Variants in CFAP299 observed in about 807,000 individuals in gnomAD.
CFAP299 encodes the protein cilia and flagella associated protein 299.
In CFAP299, 21 loss-of-function variants were observed where a neutral mutation model predicts 27.0. The ratio of observed to expected loss-of-function variants is 0.78; its 90% CI spans 0.55 to 1.12. The LOEUF is 1.12. Ranked by LOEUF, CFAP299 falls within the 50% of genes most tolerant of loss-of-function variation. The pLI is 0.00. For missense variants in CFAP299, 310 were observed against 276.6 expected (o/e 1.12, Z -0.86); for synonymous variants, 104 against 98.1 (o/e 1.06, Z -0.36).
intron 2 of CFAP299, among the ~76,000 whole-genome samples, chr4:80,427,728 C>CT (rs1727597046): frequency 6.6e-6 from 1 of 152,132 alleles, no homozygotes. Flanking sequence ...TAAACAGCAA[C>CT]TTAAGTGTTG....
At chr4:80,634,235 G>A (rs1739375405) in intron 3 of CFAP299, among the ~76,000 whole-genome samples, 4 of 151,996 alleles carry the variant, frequency 2.6e-5, no homozygotes, top group Admixed American at 2.6e-4. Context: ...GCCCGCCTCG[G>A]CCTCCCAAAG....
chr4:80,563,393 A>T (rs1331305574), intron 2 of CFAP299, among the ~76,000 whole-genome samples: 1 of 152,120 alleles, frequency 6.6e-6, no homozygotes, highest in African/African-American at 2.4e-5. Context: ...TAAAAAGAAT[A>T]ATTTTGGAAA....
At chr4:80,685,181 C>T (rs910130895) in intron 3 of CFAP299, among the ~76,000 whole-genome samples, 2 of 152,184 alleles carry the variant, frequency 1.3e-5, no homozygotes, top group Non-Finnish European at 2.9e-5. Flanking sequence ...TGGCCCCACA[C>T]ATGCACCTAA....
intron 3 of CFAP299, among the ~76,000 whole-genome samples, chr4:80,860,317 T>G (rs1021617061): frequency 6.6e-6 from 1 of 152,172 alleles, no homozygotes; most frequent in Non-Finnish European, 1.5e-5. Context: ...TTCGTCTAAA[T>G]TTTTTTCAAA....
At chr4:80,930,458 G>C (rs368091759) in intron 4 of CFAP299, among the ~76,000 whole-genome samples, 1 of 152,158 alleles carries the variant, frequency 6.6e-6, no homozygotes, top group African/African-American at 2.4e-5. Flanking sequence ...TCTTGTGATT[G>C]ACATCTGAAG....
At position 80,587,900 on chromosome 4, in the gene CFAP299, T is replaced by C. The variant is rs143740747; in HGVS notation, c.333+4717T>C. Among the ~76,000 whole-genome samples, 176 of 151,594 alleles carry C rather than the reference T, an allele frequency of 1.2e-3. 12 individuals are homozygous for C. The highest frequency in any genetic ancestry group is 4.0e-3 in the African/African-American group (162 of 40,914). ...GATGTTCAATAAAGCATAAATACCA[T>C]GTGTTATGTTAGGTCAGGTTCCCTA... On this transcript the variant is annotated intron_variant, in intron 3 of 5. Transcript: ENST00000358105.
At chr4:80,883,696 A>G (rs1482401566) in intron 4 of CFAP299, among the ~76,000 whole-genome samples, 1 of 152,192 alleles carries the variant, frequency 6.6e-6, no homozygotes, top group East Asian at 1.9e-4. Context: ...AAAGAAGTTC[A>G]TAATAGAGTG....
intron 2 of CFAP299, among the ~76,000 whole-genome samples, chr4:80,528,268 C>T (rs1397538502): frequency 6.6e-6 from 1 of 152,074 alleles, no homozygotes; most frequent in Non-Finnish European, 1.5e-5. Flanking sequence ...TTTTCAACCT[C>T]ATTCTATTTA....
chr4:80,780,627 T>C (rs575402259), intron 3 of CFAP299, among the ~76,000 whole-genome samples: 3 of 152,204 alleles, frequency 2.0e-5, no homozygotes, highest in African/African-American at 7.2e-5. Context: ...CCTATTTATA[T>C]CTACTGCTTT....
chr4:80,706,093 A>G, intron 3 of CFAP299, among the ~76,000 whole-genome samples: 1 of 151,858 alleles, frequency 6.6e-6, no homozygotes, highest in East Asian at 1.9e-4. Context: ...AGGTACGGTA[A>G]TATATCATTA....
At chr4:80,844,415 G>GT (rs1731047072) in intron 3 of CFAP299, among the ~76,000 whole-genome samples, 1 of 152,138 alleles carries the variant, frequency 6.6e-6, no homozygotes, top group Non-Finnish European at 1.5e-5. Context: ...TCCAGCACCT[G>GT]TTGTTTCCTG....
chr4:80,468,804 A>T (rs1415389019), intron 2 of CFAP299, among the ~76,000 whole-genome samples: 15 of 145,570 alleles, frequency 1.0e-4, no homozygotes, highest in African/African-American at 3.8e-4. Context: ...ATTGCACTCC[A>T]GCCTGGGTGA....
chr4:80,381,027 T>C (rs1020531152), intron 2 of CFAP299, among the ~76,000 whole-genome samples: 1 of 152,216 alleles, frequency 6.6e-6, no homozygotes, highest in Non-Finnish European at 1.5e-5. Flanking sequence ...CATTTACACC[T>C]CTTTTATATT....
At chr4:80,790,579 T>C (rs1430267809) in intron 3 of CFAP299, 2 of 152,030 alleles carry the variant, frequency 1.3e-5, no homozygotes, top group African/African-American at 4.8e-5. Context: ...TAACTCTCTC[T>C]CTTTTCATCA....
At chr4:80,387,680 G>T in intron 2 of CFAP299, 1 of 1,569,278 alleles carries the variant, frequency 6.4e-7, no homozygotes, top group Non-Finnish European at 8.8e-7. Context: ...TTAGACTTCT[G>T]GGCAAAGGCA....
At chr4:80,905,750 A>C (rs112561020) in intron 4 of CFAP299, among the ~76,000 whole-genome samples, 5,358 of 152,182 alleles carry the variant, frequency 0.035, 219 homozygotes, top group African/African-American at 0.1. Flanking sequence ...AAATCATCAG[A>C]TCTCGTGAGA....
At position 80,388,512 on chromosome 4, in the gene CFAP299, T is replaced by TA. The variant is rs573056245; in HGVS notation, c.242+25631dup. 1,827 of 1,428,244 alleles carry TA rather than the reference T, an allele frequency of 1.3e-3. 2 individuals are homozygous for TA. Among genetic ancestry groups the TA allele is most frequent in the Non-Finnish European group, 1.7e-3 (1,714 of 1,021,836 alleles). 88.5% of individuals were successfully genotyped at this position (1,428,244 alleles called of 1,614,324 possible). A position where few individuals can be genotyped will look rare whatever the true frequency, so the allele number is the denominator to read the frequency against. ...TGGCACTGTTCCCGCTTGTGGGTCA[T>TA]AAACACTGGCAGCGAGTTGAATTGC... On this transcript the variant is annotated intron_variant, in intron 2 of 5. Transcript: ENST00000358105.
chr4:80,735,418 A>T (rs1351875437), intron 3 of CFAP299, among the ~76,000 whole-genome samples: 1 of 152,016 alleles, frequency 6.6e-6, no homozygotes, highest in African/African-American at 2.4e-5. Flanking sequence ...TCCAATTTGG[A>T]TGTTCTTTAT....
At chr4:80,687,256 A>G (rs1417543951) in intron 3 of CFAP299, among the ~76,000 whole-genome samples, 1 of 151,494 alleles carries the variant, frequency 6.6e-6, no homozygotes, top group African/African-American at 2.4e-5. Flanking sequence ...CATATTTCAC[A>G]CTCCCGTGTC....
Sources: allele counts gnomAD v4.1 joint callset (sites outside exome capture counted in the v4.1 genomes callset), GRCh38; gene constraint gnomAD v4.1.1; transcripts MANE v1.5; gene names NCBI Gene and HGNC (gene_info 2026-07-23, HGNC 2026-07-21).